PARD3B: variants seen among roughly 807,000 people sequenced by gnomAD.
PARD3B encodes partitioning defective 3 homolog B.
In PARD3B, 103 loss-of-function variants were observed where a neutral mutation model predicts 130.2. The ratio of observed to expected loss-of-function variants is 0.79; its 90% CI spans 0.67 to 0.93. PARD3B has a LOEUF of 0.93. PARD3B is among the 40% of genes least tolerant of loss of function. PARD3B has a pLI of 0.00. For missense variants in PARD3B, 1,609 were observed against 1,499.2 expected (o/e 1.07, Z -1.21); for synonymous variants, 583 against 553.2 (o/e 1.05, Z -0.76).
intron 18 of PARD3B, among the ~76,000 whole-genome samples, chr2:205,303,164 G>C (rs2042072705): frequency 6.6e-6 from 1 of 152,070 alleles, no homozygotes; most frequent in African/African-American, 2.4e-5. Context: ...CTGCCTGTTG[G>C]ACCTGAACCA....
intron 20 of PARD3B, among the ~76,000 whole-genome samples, chr2:205,493,534 T>G (rs1410808137): frequency 6.6e-6 from 1 of 151,940 alleles, no homozygotes; most frequent in Non-Finnish European, 1.5e-5. Context: ...TATAGTAACT[T>G]CATAAAAAAT....
intron 3 of PARD3B, among the ~76,000 whole-genome samples, chr2:205,046,377 T>C (rs1698781375): frequency 2.0e-5 from 3 of 151,990 alleles, no homozygotes; most frequent in Non-Finnish European, 2.9e-5. Context: ...TAGTGATGTC[T>C]CTTAATAAAA....
chr2:205,434,538 T>A (rs1469777466), intron 19 of PARD3B, among the ~76,000 whole-genome samples: 1 of 152,170 alleles, frequency 6.6e-6, no homozygotes, highest in Admixed American at 6.5e-5. Context: ...CAGTTTCATA[T>A]TAATAGAGAA....
chr2:205,062,846 A>G (rs1353381543), intron 4 of PARD3B, among the ~76,000 whole-genome samples: 3 of 152,256 alleles, frequency 2.0e-5, no homozygotes, highest in Admixed American at 2.0e-4. Flanking sequence ...TCTTATATCT[A>G]TGTCTGTATA....
chr2:204,650,530 A>C (rs1005278831), intron 1 of PARD3B, among the ~76,000 whole-genome samples: 1 of 152,208 alleles, frequency 6.6e-6, no homozygotes, highest in African/African-American at 2.4e-5. Context: ...GGATAAAGAA[A>C]ATGTGGTACA....
chr2:205,423,246 G>A (rs563610574), intron 19 of PARD3B, among the ~76,000 whole-genome samples: 107 of 152,278 alleles, frequency 7.0e-4, no homozygotes, highest in South Asian at 3.7e-3. Flanking sequence ...GTGTGCATGC[G>A]GTAGAGGGAG....
chr2:205,384,253 C>G (rs1399600214), intron 18 of PARD3B, among the ~76,000 whole-genome samples: 1 of 152,046 alleles, frequency 6.6e-6, no homozygotes, highest in African/African-American at 2.4e-5. Context: ...GCAAAATTGA[C>G]TCACTTTAAG....
intron 1 of PARD3B, among the ~76,000 whole-genome samples, chr2:204,582,306 T>C (rs1364602380): frequency 6.6e-6 from 1 of 152,216 alleles, no homozygotes; most frequent in Non-Finnish European, 1.5e-5. Flanking sequence ...GCCTTTGCAG[T>C]TGATCTGTCA....
intron 1 of PARD3B, among the ~76,000 whole-genome samples, chr2:204,643,524 A>C (rs148170394): frequency 8.5e-5 from 13 of 152,204 alleles, no homozygotes; most frequent in African/African-American, 2.7e-4. Context: ...CCTGTGACTC[A>C]TGGGGCCACA....
chr2:205,017,402 G>GC (rs889261868), intron 3 of PARD3B, among the ~76,000 whole-genome samples: 4 of 151,912 alleles, frequency 2.6e-5, no homozygotes, highest in Admixed American at 6.6e-5. Flanking sequence ...AGCCTCAGTT[G>GC]CCCCCCCATT....
At chr2:204,763,270 G>A (rs1292704634) in intron 2 of PARD3B, among the ~76,000 whole-genome samples, 1 of 152,138 alleles carries the variant, frequency 6.6e-6, no homozygotes, top group Non-Finnish European at 1.5e-5. Flanking sequence ...TAAAACAAAG[G>A]CAGTATATCT....
At chr2:205,308,619 A>AC (rs1574658698) in intron 18 of PARD3B, among the ~76,000 whole-genome samples, 1 of 148,644 alleles carries the variant, frequency 6.7e-6, no homozygotes, top group African/African-American at 2.5e-5. Context: ...AAAAAAAAAA[A>AC]CCAAACAACA....
intron 2 of PARD3B, among the ~76,000 whole-genome samples, chr2:204,913,266 A>G (rs1481412741): frequency 6.6e-6 from 1 of 152,186 alleles, no homozygotes; most frequent in East Asian, 1.9e-4. Context: ...GATTGTCTGC[A>G]TTATAGCTTG....
chr2:205,398,361 C>T (rs1312317741), intron 18 of PARD3B, among the ~76,000 whole-genome samples: 1 of 152,002 alleles, frequency 6.6e-6, no homozygotes, highest in African/African-American at 2.4e-5. Flanking sequence ...TTCCGTACTT[C>T]TGTAAATGAT....
At chr2:204,855,467 A>G (rs760786197) in intron 2 of PARD3B, among the ~76,000 whole-genome samples, 24 of 151,734 alleles carry the variant, frequency 1.6e-4, no homozygotes, top group Non-Finnish European at 2.9e-4. Flanking sequence ...ACTTGAACCC[A>G]GGAGGCAGAG....
chr2:205,471,837 A>G (rs949838861), intron 20 of PARD3B, among the ~76,000 whole-genome samples: 1 of 152,186 alleles, frequency 6.6e-6, no homozygotes, highest in Admixed American at 6.5e-5. Context: ...CTGCAATAAC[A>G]TATATCTAGG....
chr2:204,752,752 T>C (rs886352642), intron 2 of PARD3B, among the ~76,000 whole-genome samples: 1 of 152,164 alleles, frequency 6.6e-6, no homozygotes, highest in African/African-American at 2.4e-5. Flanking sequence ...TTATATTAAA[T>C]GGCCTATCTC....
chr2:204,581,307 C>G (rs924209322), intron 1 of PARD3B, among the ~76,000 whole-genome samples: 8 of 152,174 alleles, frequency 5.3e-5, no homozygotes, highest in African/African-American at 1.7e-4. Context: ...TGCTGAGTTG[C>G]ATTTGTAAGT....
chr2:205,014,327 G>C (rs1025958981), intron 3 of PARD3B, among the ~76,000 whole-genome samples: 3 of 152,106 alleles, frequency 2.0e-5, no homozygotes, highest in Admixed American at 6.5e-5. Flanking sequence ...TTCTGCATTT[G>C]TGATCCTGAG....
Sources: allele counts gnomAD v4.1 joint callset (sites outside exome capture counted in the v4.1 genomes callset), GRCh38; gene constraint gnomAD v4.1.1; transcripts MANE v1.5; gene names NCBI Gene and HGNC (gene_info 2026-07-23, HGNC 2026-07-21).